CHD1L: variants seen among roughly 807,000 people sequenced by gnomAD.
The protein encoded by CHD1L is chromodomain helicase DNA binding protein 1 like, also known as ATP-dependent chromatin remodeler CHD1L.
In CHD1L, 118 loss-of-function variants were observed where a neutral mutation model predicts 115.9. The ratio of observed to expected loss-of-function variants is 1.02; its 90% CI spans 0.88 to 1.19. The LOEUF is 1.19. Among genes scored for constraint, CHD1L ranks in the 50% most tolerant of loss-of-function variants. CHD1L has a pLI of 0.00. For synonymous variants in CHD1L, 411 were observed against 387.1 expected, an observed-to-expected ratio of 1.06 and a Z score of -0.72; for missense variants, 1,179 against 1,065.3, an observed-to-expected ratio of 1.11 and a Z score of -1.49.
upstream of CHD1L, among the ~76,000 whole-genome samples, chr1:147,241,458 A>G (rs958285452): frequency 8.5e-5 from 13 of 152,078 alleles, no homozygotes; most frequent in African/African-American, 3.1e-4. Flanking sequence ...TTACCTACCC[A>G]AATCTTATAA....
chr1:147,236,988 C>T, the CHD1L span, among the ~76,000 whole-genome samples: 1 of 152,158 alleles, frequency 6.6e-6, no homozygotes, highest in Non-Finnish European at 1.5e-5. Context: ...GCATTCACAG[C>T]ACCCAAACTG....
At chr1:147,186,578 TAAAC>T in the CHD1L span, 6 of 1,037,946 alleles carry the variant, frequency 5.8e-6, no homozygotes, top group Non-Finnish European at 6.9e-6. Flanking sequence ...TAAAATTTGA[TAAAC>T]AACAAACATT....
Position 147,284,430 on chromosome 1 carries a change from G to GGT in CHD1L, c.1786_1787dup (p.Asn597Ter), listed in dbSNP as rs1682238469. The GGT allele has an allele frequency of 6.2e-7, 1 of 1,612,126 alleles. No individual in the cohort carries two copies. Among genetic ancestry groups the GGT allele is most frequent in the East Asian group, 2.2e-5 (1 of 44,768 alleles). On this transcript the variant is annotated frameshift_variant, in exon 16 of 23. Coordinates refer to ENST00000369258, the MANE Select transcript of CHD1L (RefSeq NM_004284.6). LOFTEE classifies it high-confidence loss of function. The stretch of plus-strand genomic sequence containing the variant: ...AAGACAGAAAATCATTTGAACAACT[G>GGT]GTAAACCTTCAGAAAACCCTTTTGG...
the CHD1L span, chr1:147,178,225 C>T: frequency 1.9e-6 from 3 of 1,613,550 alleles, no homozygotes; most frequent in Non-Finnish European, 2.5e-6. Context: ...CTTGGAGAGT[C>T]GCATCTCCGA....
intron 12 of CHD1L, 25 bp downstream of exon 12, chr1:147,272,306 A>G: frequency 6.7e-7 from 1 of 1,490,906 alleles, no homozygotes; most frequent in Non-Finnish European, 9.4e-7. Flanking sequence ...CATTGATGGA[A>G]ACAGACAAAT....
At chr1:147,244,065 C>G (rs1665810634) in intron 1 of CHD1L, among the ~76,000 whole-genome samples, 2 of 152,162 alleles carry the variant, frequency 1.3e-5, no homozygotes, top group Admixed American at 1.3e-4. Flanking sequence ...GTAGACTGGT[C>G]TTTTTATGTT....
the CHD1L span, among the ~76,000 whole-genome samples, chr1:147,202,055 T>G: frequency 5.9e-5 from 9 of 152,300 alleles, no homozygotes; most frequent in African/African-American, 2.2e-4. Flanking sequence ...GTTTTATAAA[T>G]GAGGGAATTG....
the CHD1L span, chr1:147,190,181 T>C: frequency 6.2e-7 from 1 of 1,603,816 alleles, no homozygotes; most frequent in Non-Finnish European, 8.5e-7. Context: ...TCTTACCTTT[T>C]GTCAATTTCC....
At chr1:147,269,380 G>A (rs1436282976) in intron 10 of CHD1L, among the ~76,000 whole-genome samples, 5 of 152,024 alleles carry the variant, frequency 3.3e-5, no homozygotes, top group African/African-American at 9.7e-5. Context: ...ATTAGAAGAC[G>A]AGGTTCAGAG....
the CHD1L span, among the ~76,000 whole-genome samples, chr1:147,196,387 C>T: frequency 6.6e-6 from 1 of 151,898 alleles, no homozygotes; most frequent in Non-Finnish European, 1.5e-5. Context: ...AGTCAATTTC[C>T]AAATTACTTC....
At chr1:147,292,493 G>C (rs894360429) in intron 20 of CHD1L, among the ~76,000 whole-genome samples, 1 of 152,184 alleles carries the variant, frequency 6.6e-6, no homozygotes, top group East Asian at 1.9e-4. Context: ...TCATCCTTTT[G>C]AGGTTGCTGT....
chr1:147,193,896 T>C, the CHD1L span, among the ~76,000 whole-genome samples: 1 of 152,292 alleles, frequency 6.6e-6, no homozygotes, highest in East Asian at 1.9e-4. Context: ...TTCTGTTCTT[T>C]TACATTTGCT....
intron 5 of CHD1L, among the ~76,000 whole-genome samples, chr1:147,258,630 T>A (rs587682893): frequency 1.3e-5 from 2 of 152,264 alleles, no homozygotes; most frequent in East Asian, 3.9e-4. Context: ...TCTCAGTAGG[T>A]GAATGGTAAT....
the CHD1L span, chr1:147,186,984 C>A: frequency 3.2e-4 from 517 of 1,614,148 alleles, 1 homozygote; most frequent in African/African-American, 6.2e-3. Flanking sequence ...TAGAACTACT[C>A]CTTTCAACTA....
rs1682764330 is a variant in CHD1L, at chr1:147,285,550, C to A, written c.2018+63C>A. 2.0e-6 allele frequency: 3 copies of A among 1,472,406 alleles called. No individual in the cohort carries two copies. The South Asian group carries it at 4.2e-5, about 21-fold the overall frequency. 91.2% of individuals were successfully genotyped at this position (1,472,406 alleles called of 1,614,324 possible). ...AGGAGTCACTATTGTATAGTGAGAC[C>A]ACAGTTGAATATCACTTTAAAAATA... On this transcript the variant is annotated intron_variant, in intron 17 of 22. Transcript: ENST00000369258.
At chr1:147,227,020 G>A in the CHD1L span, among the ~76,000 whole-genome samples, 1 of 151,998 alleles carries the variant, frequency 6.6e-6, no homozygotes, top group East Asian at 1.9e-4. Context: ...GTAGAAATGA[G>A]GTTTCACTAT....
At chr1:147,228,176 C>T in the CHD1L span, among the ~76,000 whole-genome samples, 1 of 149,386 alleles carries the variant, frequency 6.7e-6, no homozygotes, top group Admixed American at 6.7e-5. Context: ...CACCCCACAA[C>T]AGGCCCCAGT....
chr1:147,284,539 C>A, intron 16 of CHD1L, 40 bp downstream of exon 16: 1 of 1,462,962 alleles, frequency 6.8e-7, no homozygotes, highest in Non-Finnish European at 9.0e-7. Flanking sequence ...TTCTTCCAAA[C>A]TCTCATTCTA....
chr1:147,249,586 A>C (rs1158287403), intron 1 of CHD1L, among the ~76,000 whole-genome samples: 3 of 151,672 alleles, frequency 2.0e-5, no homozygotes, highest in Non-Finnish European at 2.9e-5. Flanking sequence ...TTGTATTTTT[A>C]GTAGAGATGG....
Sources: allele counts gnomAD v4.1 joint callset (sites outside exome capture counted in the v4.1 genomes callset), GRCh38; gene constraint gnomAD v4.1.1; transcripts MANE v1.5; gene names NCBI Gene and HGNC (gene_info 2026-07-23, HGNC 2026-07-21).